The following DMBT1 variants were observed in gnomAD, a reference collection of about 807,000 sequenced individuals.
DMBT1 encodes scavenger receptor cysteine-rich domain-containing protein DMBT1.
A neutral mutation model predicts 252.9 loss-of-function variants in DMBT1; 198 were observed. The observed-to-expected ratio is 0.78, with a 90% CI of 0.70 to 0.88. The LOEUF (loss-of-function observed/expected upper bound fraction) is 0.88. DMBT1 is among the 40% of genes least tolerant of loss of function. DMBT1 has a pLI of 0.00. For synonymous variants in DMBT1, 990 were observed against 942.7 expected (o/e 1.05, Z -0.92); for missense variants, 2,432 against 2,404.7 (o/e 1.01, Z -0.24).
At chr10:122,622,301 T>C (rs2098077924) in intron 44 of DMBT1, among the ~76,000 whole-genome samples, 1 of 152,134 alleles carries the variant, frequency 6.6e-6, no homozygotes, top group Admixed American at 6.5e-5. Flanking sequence ...TATCTACCAG[T>C]TGTCAATTGA....
In DMBT1 at chr10:122,585,275, G is replaced by T. The variant is rs376655390; in HGVS notation, c.1425G>T (p.Thr475=). ...TTGTCTCTGTTGCAATTACAGACACGTTGCCGACCATCACCTTACCTGCAT... is the reference window on the plus strand; with the variant it reads ...TTGTCTCTGTTGCAATTACAGACACTTTGCCGACCATCACCTTACCTGCAT... ...AHSWSTPSPD[T]LPTITLPAST... is the part of the protein sequence containing the mutation. The change falls in exon 15 of 56, where the codon ACG becomes ACT. Residue 475 remains threonine, a synonymous_variant. Transcript: ENST00000338354. 6.3e-7 allele frequency: 1 copy of T among 1,586,508 alleles called. No individual in the cohort carries two copies. The highest frequency in any genetic ancestry group is 8.6e-7 in the Non-Finnish European group (1 of 1,164,346).
chr10:122,635,537 T>A (rs891643166), intron 52 of DMBT1, among the ~76,000 whole-genome samples: 4 of 152,124 alleles, frequency 2.6e-5, no homozygotes, highest in African/African-American at 9.7e-5. Context: ...GACTTTCTTT[T>A]GTTTCAATTT....
chr10:122,591,577 T>A (rs2097849561), intron 19 of DMBT1, 60 bp downstream of exon 19: 2 of 1,501,962 alleles, frequency 1.3e-6, no homozygotes, highest in Non-Finnish European at 1.8e-6. Context: ...AAATGTTTTC[T>A]CTGAAAATGA....
chr10:122,637,280 A>G lies in DMBT1; in HGVS notation c.6910A>G (p.Ile2304Val). 6.2e-7 allele frequency: 1 copy of G among 1,613,368 alleles called. No homozygotes were observed. The highest frequency in any genetic ancestry group is 8.5e-7 in the Non-Finnish European group (1 of 1,179,570). Residue 2304 changes from isoleucine to valine, a missense_variant, in exon 54 of 56, where the codon ATT (isoleucine) becomes GTT (valine). Around this residue, in one of 3 missense-constraint regions of DMBT1, gnomAD observed 1,162 missense variants for 1,169.0 expected, o/e 0.99. Transcript: ENST00000338354. ...AACGCCGAACCTGGTGATATTCACA[A>G]TTCCCTACTCAGGCTGCGGCACCTT... ...QITPNLVIFT[I>V]PYSGCGTFKQ...
chr10:122,621,007 C>T (rs1305551606), intron 43 of DMBT1, 50 bp from the exon 44 acceptor site: 4 of 1,609,212 alleles, frequency 2.5e-6, no homozygotes, highest in Non-Finnish European at 3.4e-6. Context: ...TTCCTTAAAT[C>T]CTTGACCTCA....
intron 3 of DMBT1, 127 bp downstream of exon 3, chr10:122,570,336 T>G (rs906193964): frequency 1.2e-6 from 1 of 851,388 alleles, no homozygotes; most frequent in Admixed American, 2.0e-5. Context: ...TTGGGCTGAC[T>G]GAACCCAGGC....
intron 46 of DMBT1, among the ~76,000 whole-genome samples, chr10:122,628,581 A>G (rs1317992511): frequency 6.6e-6 from 1 of 152,234 alleles, no homozygotes; most frequent in Non-Finnish European, 1.5e-5. Flanking sequence ...GGTTGCAGTA[A>G]GCTGAGATCG....
intron 44 of DMBT1, among the ~76,000 whole-genome samples, chr10:122,624,439 C>A (rs187222066): frequency 9.8e-5 from 15 of 152,306 alleles, no homozygotes; most frequent in Admixed American, 5.9e-4. Flanking sequence ...GACCCAGAAA[C>A]CTTGGCCTTC....
rs367940155 is a variant in DMBT1, at chr10:122,578,724, G to A, written c.644G>A (p.Trp215Ter). 6.2e-7 allele frequency: 1 copy of A among 1,608,678 alleles called. No homozygotes were observed. Among genetic ancestry groups the A allele is most frequent in the South Asian group, 1.1e-5 (1 of 89,634 alleles). The change falls in exon 9 of 56, where the codon TGG becomes TAG. Residue 215 changes from tryptophan (W) to a stop codon, truncating the protein, a stop_gained. Transcript: ENST00000338354. LOFTEE classifies it high-confidence loss of function. ...QPQSTLRPES[W>*]PVRISPPVPT... ...TCTTTGTTGCTGTTTACAGAAAGTT[G>A]GCCTGTCAGGATATCACCACCTGTA...
intron 46 of DMBT1, among the ~76,000 whole-genome samples, chr10:122,628,446 G>A (rs2098134166): frequency 6.6e-6 from 1 of 152,136 alleles, no homozygotes; most frequent in South Asian, 2.1e-4. Context: ...GACCAGCCTG[G>A]ACAACGTGGT....
intron 44 of DMBT1, 83 bp downstream of exon 44, chr10:122,621,463 A>G: frequency 6.3e-7 from 1 of 1,588,140 alleles, no homozygotes. Flanking sequence ...TGATCTCCTC[A>G]CTCAAAGCTT....
At position 122,631,231 on chromosome 10, in the gene DMBT1, G is replaced by A. The variant is rs1174371380; in HGVS notation, c.6296G>A (p.Trp2099Ter). Residue 2099 changes from tryptophan (W) to a stop codon, truncating the protein, a stop_gained, in exon 49 of 56, where the codon TGG becomes TAG. Transcript: ENST00000338354. LOFTEE classifies it high-confidence loss of function. ...STLWQCRNRG[W>*]FSHNCNHRED... ...CTCTGGCAGTGCCGGAACCGAGGCT[G>A]GTTCTCCCACAACTGTAATCATCGT... 2 of 1,614,020 alleles carry A rather than the reference G, an allele frequency of 1.2e-6. No homozygotes were observed. The highest frequency in any genetic ancestry group is 2.2e-5 in the South Asian group (2 of 91,082).
In DMBT1 at chr10:122,619,335, C is replaced by G; in HGVS notation, c.5243C>G (p.Pro1748Arg). Reference protein sequence around the residue: ...SAAQSQSTPRPDTWLTTNLPA... With the variant: ...SAAQSQSTPRRDTWLTTNLPA... Reference sequence around the variant, plus strand: ...GCTCAGTCCCAGTCAACGCCCAGGCCAGGTGAGTCCCCAGCATCCTTCATC... The same window carrying G: ...GCTCAGTCCCAGTCAACGCCCAGGCGAGGTGAGTCCCCAGCATCCTTCATC... Residue 1748 changes from proline to arginine, a missense_variant and splice_region_variant, in exon 42 of 56, where the codon CCA (proline) becomes CGA (arginine). By Grantham distance (103) the Pro-to-Arg change is moderately radical (BLOSUM62 -2). Around this residue, in one of 3 missense-constraint regions of DMBT1, gnomAD observed 1,162 missense variants for 1,169.0 expected, o/e 0.99. Transcript: ENST00000338354. 1 of 1,613,992 alleles carries G rather than the reference C, an allele frequency of 6.2e-7. No individual in the cohort carries two copies. The highest frequency in any genetic ancestry group is 8.5e-7 in the Non-Finnish European group (1 of 1,179,876).
rs746921105 is a variant in DMBT1 at position 122,588,920 on chromosome 10, A to G, written c.1784-24A>G. The G allele has an allele frequency of 3.2e-6, 5 of 1,586,942 alleles. 1 individual carries two copies. In the South Asian group the frequency reaches 3.5e-5, roughly 11 times the overall value. ...CTTGACCTGCTGATAGGGATTGATGAAGGGTTCTTGTGTTCTCCTATAGGA... is the reference window on the plus strand; with the variant it reads ...CTTGACCTGCTGATAGGGATTGATGGAGGGTTCTTGTGTTCTCCTATAGGA... On this transcript the variant is annotated intron_variant, in intron 16 of 55. Coordinates refer to ENST00000338354, the MANE Select transcript of DMBT1 (RefSeq NM_001377530.1).
intron 6 of DMBT1, among the ~76,000 whole-genome samples, chr10:122,573,979 G>A (rs538479333): frequency 1.3e-5 from 2 of 152,170 alleles, no homozygotes; most frequent in African/African-American, 2.4e-5. Context: ...TCTCCAAGGA[G>A]TTCTCAGTGG....
intron 2 of DMBT1, 57 bp downstream of exon 2, chr10:122,566,053 A>G (rs3019516): frequency 0.7 from 1,094,785 of 1,574,150 alleles, 382,752 homozygotes; most frequent in Admixed American, 0.81. Flanking sequence ...CTCCTCTGCT[A>G]CTGTTGGCTA....
At chr10:122,567,712 G>A (rs532951583) in intron 2 of DMBT1, among the ~76,000 whole-genome samples, 1 of 152,252 alleles carries the variant, frequency 6.6e-6, no homozygotes, top group Non-Finnish European at 1.5e-5. Context: ...GTGGCATCAC[G>A]TCGGGCAGGA....
chr10:122,592,230 T>C, intron 19 of DMBT1, 42 bp from the exon 20 acceptor site: 1 of 1,579,688 alleles, frequency 6.3e-7, no homozygotes. Flanking sequence ...GATCCTTACC[T>C]CATGGTAGGG....
intron 46 of DMBT1, among the ~76,000 whole-genome samples, chr10:122,628,822 G>C (rs2098137041): frequency 6.6e-6 from 1 of 152,142 alleles, no homozygotes; most frequent in Admixed American, 6.5e-5. Flanking sequence ...AGGAATGGAG[G>C]GTGTTGAGAA....
Sources: gnomAD v4.1 joint callset for allele counts (sites outside exome capture counted in the v4.1 genomes callset) on GRCh38, gnomAD v4.1.1 for gene constraint, gnomAD v4.1.1 regional missense constraint, MANE v1.5 for transcripts, NCBI Gene and HGNC (gene_info 2026-07-23, HGNC 2026-07-21) for gene names.